ZNF385D: variants seen among roughly 807,000 people sequenced by gnomAD.
ZNF385D encodes zinc finger protein 659.
A neutral mutation model predicts 35.8 loss-of-function variants in ZNF385D; 15 were observed. The ratio of observed to expected loss-of-function variants is 0.42; its 90% CI spans 0.28 to 0.64. The LOEUF (loss-of-function observed/expected upper bound fraction) is 0.64. ZNF385D is among the 30% of genes least tolerant of loss of function. The pLI, the probability that ZNF385D is intolerant of heterozygous loss-of-function variation, is 0.23. For synonymous variants in ZNF385D, 212 were observed against 186.8 expected (o/e 1.13, Z -1.10); for missense variants, 474 against 494.6 (o/e 0.96, Z 0.39).
At chr3:21,819,197 A>G (rs1559655016) in intron 3 of ZNF385D, among the ~76,000 whole-genome samples, 1 of 151,958 alleles carries the variant, frequency 6.6e-6, no homozygotes, top group Non-Finnish European at 1.5e-5. Context: ...AGAAAAGAAA[A>G]AAGAAACATA....
At chr3:21,868,015 G>A (rs1316084445) in intron 3 of ZNF385D, among the ~76,000 whole-genome samples, 2 of 152,096 alleles carry the variant, frequency 1.3e-5, no homozygotes, top group Non-Finnish European at 2.9e-5. Context: ...AAACTGGCCT[G>A]CAATAGTAAC....
chr3:21,979,083 T>G lies in ZNF385D; in HGVS notation c.325+189734A>C, dbSNP rs547966515. ...ACAATAGAAAATAGTTGTGACTATC[T>G]CCAGTACATGCCAATTTTTTTTCAA... On this transcript the variant is annotated intron_variant, in intron 3 of 5. Transcript: ENST00000494108. 2.0e-3 allele frequency among the ~76,000 whole-genome samples: 305 copies of G among 152,214 alleles called. 1 individual carries two copies. The highest frequency in any genetic ancestry group is 3.2e-3 in the Non-Finnish European group (220 of 68,012).
intron 2 of ZNF385D, among the ~76,000 whole-genome samples, chr3:22,317,334 T>C (rs1205972184): frequency 1.5e-5 from 1 of 68,602 alleles, no homozygotes; most frequent in African/African-American, 5.8e-5. Flanking sequence ...AAAAAGGAAA[T>C]GCAATTGTCT....
intron 3 of ZNF385D, among the ~76,000 whole-genome samples, chr3:21,982,974 C>A (rs910676934): frequency 7.2e-5 from 11 of 151,864 alleles, no homozygotes; most frequent in African/African-American, 2.7e-4. Context: ...TTCTGATGTG[C>A]TGCTGAATTT....
intron 4 of ZNF385D, chr3:21,443,255 C>T (rs559234256): frequency 1.0e-6 from 1 of 985,262 alleles, no homozygotes; most frequent in Non-Finnish European, 1.2e-6. Flanking sequence ...ATCTGCTTCA[C>T]TACCAGGCTC....
intron 3 of ZNF385D, among the ~76,000 whole-genome samples, chr3:22,075,997 T>C (rs919841541): frequency 6.6e-5 from 10 of 151,918 alleles, no homozygotes; most frequent in Admixed American, 3.3e-4. Flanking sequence ...GTCCTACAAA[T>C]GCAAACTGCA....
chr3:21,768,368 G>A (rs930913405), intron 3 of ZNF385D, among the ~76,000 whole-genome samples: 3 of 151,878 alleles, frequency 2.0e-5, no homozygotes, highest in Non-Finnish European at 2.9e-5. Context: ...AGGATCCTGG[G>A]AAGTAGCAGA....
intron 2 of ZNF385D, among the ~76,000 whole-genome samples, chr3:22,356,388 T>A (rs1355207912): frequency 6.6e-6 from 1 of 151,992 alleles, no homozygotes; most frequent in Non-Finnish European, 1.5e-5. Flanking sequence ...CTTGATTTTT[T>A]AAGGAAAGCA....
At chr3:22,319,714 A>T (rs567299203) in intron 2 of ZNF385D, among the ~76,000 whole-genome samples, 1 of 152,184 alleles carries the variant, frequency 6.6e-6, no homozygotes, top group African/African-American at 2.4e-5. Flanking sequence ...TACTACAAAA[A>T]TATTGGTAAA....
rs186233945 is a variant in ZNF385D at position 22,006,595 on chromosome 3, A to C, written c.325+162222T>G. Reference sequence around the variant, plus strand: ...TGGAAAATGGACAATAAAGTATCAAAAAGTTCATTACAGAAAGAAGAGAGT... The same window carrying C: ...TGGAAAATGGACAATAAAGTATCAACAAGTTCATTACAGAAAGAAGAGAGT... On this transcript the variant is annotated intron_variant, in intron 3 of 5. Transcript: ENST00000494108. Among the ~76,000 whole-genome samples the C allele has an allele frequency of 2.7e-3, 413 of 152,228 alleles. 1 individual carries two copies. Among genetic ancestry groups the C allele is most frequent in the Non-Finnish European group, 4.0e-3 (275 of 67,940 alleles).
At chr3:22,354,064 T>C (rs1021276938) in intron 2 of ZNF385D, among the ~76,000 whole-genome samples, 1 of 152,122 alleles carries the variant, frequency 6.6e-6, no homozygotes, top group African/African-American at 2.4e-5. Context: ...ACCATAGCTC[T>C]GTTAACTCCA....
intron 2 of ZNF385D, among the ~76,000 whole-genome samples, chr3:22,228,827 G>A (rs1454874496): frequency 6.6e-6 from 1 of 152,182 alleles, no homozygotes; most frequent in East Asian, 1.9e-4. Flanking sequence ...TGAGTCTTCT[G>A]ACCTTCATCT....
intron 3 of ZNF385D, among the ~76,000 whole-genome samples, chr3:22,024,039 G>T (rs1697383429): frequency 6.6e-6 from 1 of 152,100 alleles, no homozygotes; most frequent in Admixed American, 6.6e-5. Context: ...TAAGTGGACT[G>T]GGAAAGGCAG....
chr3:22,072,593 T>C (rs1700280995), intron 3 of ZNF385D, among the ~76,000 whole-genome samples: 1 of 151,920 alleles, frequency 6.6e-6, no homozygotes, highest in Admixed American at 6.6e-5. Context: ...ATTTAAGGTA[T>C]ATTGTTATAT....
At chr3:22,067,390 A>C (rs1700010547) in intron 3 of ZNF385D, among the ~76,000 whole-genome samples, 1 of 152,214 alleles carries the variant, frequency 6.6e-6, no homozygotes, top group Admixed American at 6.5e-5. Flanking sequence ...TAGGTCACAT[A>C]ATGCAACAGT....
At chr3:22,264,113 C>T (rs1700773319) in intron 2 of ZNF385D, among the ~76,000 whole-genome samples, 1 of 151,818 alleles carries the variant, frequency 6.6e-6, no homozygotes, top group Non-Finnish European at 1.5e-5. Context: ...CTCCAAGGGG[C>T]ATAAGGCTGG....
At chr3:22,159,330 T>C (rs1006212212) in intron 3 of ZNF385D, among the ~76,000 whole-genome samples, 1 of 152,120 alleles carries the variant, frequency 6.6e-6, no homozygotes, top group African/African-American at 2.4e-5. Context: ...CTCTTTTCTT[T>C]TTTGGCTTCA....
At chr3:21,846,038 G>A (rs1695984456) in intron 3 of ZNF385D, among the ~76,000 whole-genome samples, 1 of 152,000 alleles carries the variant, frequency 6.6e-6, no homozygotes, top group African/African-American at 2.4e-5. Flanking sequence ...GTAACATACA[G>A]AAAACATTTC....
intron 2 of ZNF385D, among the ~76,000 whole-genome samples, chr3:22,366,874 G>T (rs1300742200): frequency 1.3e-5 from 2 of 152,174 alleles, no homozygotes; most frequent in Non-Finnish European, 2.9e-5. Flanking sequence ...AGAAGGCAGT[G>T]AAGACAAAGG....
Sources: gnomAD v4.1 joint callset for allele counts (sites outside exome capture counted in the v4.1 genomes callset) on GRCh38, gnomAD v4.1.1 for gene constraint, MANE v1.5 for transcripts, NCBI Gene and HGNC (gene_info 2026-07-23, HGNC 2026-07-21) for gene names.